Variants in KCNIP1 observed in about 807,000 individuals in gnomAD.
KCNIP1 encodes the protein potassium voltage-gated channel interacting protein 1, also known as A-type potassium channel modulatory protein KCNIP1.
KCNIP1 carries 18 observed loss-of-function variants against 33.0 expected under a neutral mutation model. That is an observed-to-expected ratio of 0.55 (90% CI 0.38 to 0.81). The LOEUF (loss-of-function observed/expected upper bound fraction) is 0.81, where lower values mean the gene tolerates loss of function less well. Among genes scored for constraint, KCNIP1 ranks in the 30% least tolerant of loss-of-function variants. The pLI, the probability that KCNIP1 is intolerant of heterozygous loss-of-function variation, is 0.00. For synonymous variants in KCNIP1, 93 were observed against 98.3 expected (o/e 0.95, Z 0.32); for missense variants, 238 against 271.6 (o/e 0.88, Z 0.87).
intron 1 of KCNIP1, among the ~76,000 whole-genome samples, chr5:170,430,176 G>A (rs1489866185): frequency 4.6e-5 from 7 of 152,220 alleles, no homozygotes; most frequent in East Asian, 1.9e-4. Context: ...TGGACAGTAA[G>A]CATCTGTTGG....
chr5:170,606,742 T>C lies in KCNIP1; in HGVS notation c.61+102109T>C, dbSNP rs970539344. ...TTAACCATTACCCCACCAGTCTATG[T>C]CCACACGGCCACGCTCACAGCCGTC... On this transcript the variant is annotated intron_variant, in intron 1 of 7. Coordinates refer to ENST00000328939, the MANE Select transcript of KCNIP1 (RefSeq NM_014592.4). Among the ~76,000 whole-genome samples the C allele has an allele frequency of 3.3e-5, 5 of 152,212 alleles. No homozygotes were observed. The South Asian group carries it at 1.0e-3, about 32-fold the overall frequency.
At chr5:170,643,993 G>A (rs1202784130) in intron 1 of KCNIP1, among the ~76,000 whole-genome samples, 1 of 152,190 alleles carries the variant, frequency 6.6e-6, no homozygotes. Context: ...ACTCCCCTCA[G>A]CGTTTCCTTC....
intron 1 of KCNIP1, among the ~76,000 whole-genome samples, chr5:170,592,728 G>A (rs553349093): frequency 6.6e-5 from 10 of 152,146 alleles, no homozygotes; most frequent in Non-Finnish European, 7.3e-5. Context: ...TGGAAACCTG[G>A]GCTTCCTCTT....
chr5:170,607,987 CTGAG>C (rs1308739943), intron 1 of KCNIP1, among the ~76,000 whole-genome samples: 1 of 152,208 alleles, frequency 6.6e-6, no homozygotes, highest in Admixed American at 6.5e-5. Flanking sequence ...TTACCACAAA[CTGAG>C]TGGGTTTAAA....
At position 170,601,991 on chromosome 5, in the gene KCNIP1, C is replaced by T. The variant is rs564031525; in HGVS notation, c.61+97358C>T. Among the ~76,000 whole-genome samples, 5 of 152,264 alleles carry T rather than the reference C, an allele frequency of 3.3e-5. 1 individual carries two copies. Among genetic ancestry groups the T allele is most frequent in the South Asian group, 4.1e-4 (2 of 4,826 alleles). ...GGGCTGAGTCTGGGTCAAATGACAC[C>T]GCCCCAGGCTCTCTGCCCTCTGGGG... On this transcript the variant is annotated intron_variant, in intron 1 of 7. Coordinates refer to ENST00000328939, the MANE Select transcript of KCNIP1 (RefSeq NM_014592.4).
intron 1 of KCNIP1, among the ~76,000 whole-genome samples, chr5:170,659,701 C>T (rs1425155334): frequency 1.3e-5 from 2 of 152,238 alleles, no homozygotes; most frequent in South Asian, 4.1e-4. Flanking sequence ...TTATCTGGAA[C>T]CAGGCTCGGA....
At chr5:170,487,963 T>A (rs1757133099) in intron 1 of KCNIP1, among the ~76,000 whole-genome samples, 1 of 152,178 alleles carries the variant, frequency 6.6e-6, no homozygotes, top group Non-Finnish European at 1.5e-5. Flanking sequence ...AAATTTCCAC[T>A]CATTCCTCAA....
rs1762338523 is a variant in KCNIP1, at chr5:170,681,345, C to T, written c.62-37413C>T. 13 of 381,270 alleles carry T rather than the reference C, an allele frequency of 3.4e-5. No individual in the cohort carries two copies. The East Asian group carries it at 3.7e-4, about 11-fold the overall frequency. The allele number at this position is 381,270 out of a possible 1,614,324, so 23.6% of individuals were successfully genotyped here. ...TGGTCCCCGCCTCCCCAGTCGCGCCCCAGTGCTGCGCTGTCCGTCGTGCTG... is the reference window on the plus strand; with the variant it reads ...TGGTCCCCGCCTCCCCAGTCGCGCCTCAGTGCTGCGCTGTCCGTCGTGCTG... On this transcript the variant is annotated intron_variant, in intron 1 of 7. Coordinates refer to ENST00000328939, the MANE Select transcript of KCNIP1 (RefSeq NM_014592.4).
rs147524526 is a variant in KCNIP1 at position 170,453,814 on chromosome 5, T to C, written c.88+99850T>C. Among the ~76,000 whole-genome samples, 15 of 152,314 alleles carry C rather than the reference T, an allele frequency of 9.8e-5. No individual in the cohort carries two copies. In the East Asian group the frequency reaches 2.7e-3, roughly 27 times the overall value. The stretch of plus-strand genomic sequence containing the variant: ...CTGTGGGAAGCCCAGGTGCTGAGAC[T>C]GGCATCCAGCAAACACCCAGCAAGA... On this transcript the variant is annotated intron_variant, in intron 1 of 7. Coordinates refer to the KCNIP1 transcript ENST00000377360.
intron 1 of KCNIP1, among the ~76,000 whole-genome samples, chr5:170,452,420 T>A (rs1756276515): frequency 6.6e-6 from 1 of 152,200 alleles, no homozygotes; most frequent in Admixed American, 6.5e-5. Flanking sequence ...TGGGCACCTC[T>A]GATTGCCCAT....
At chr5:170,399,991 A>G (rs1035095710) in intron 1 of KCNIP1, among the ~76,000 whole-genome samples, 2 of 152,188 alleles carry the variant, frequency 1.3e-5, no homozygotes, top group African/African-American at 4.8e-5. Flanking sequence ...ATCTGATAAA[A>G]TACACACCTC....
intron 1 of KCNIP1, among the ~76,000 whole-genome samples, chr5:170,568,498 T>C (rs561387697): frequency 3.1e-4 from 47 of 151,958 alleles, no homozygotes; most frequent in Non-Finnish European, 4.3e-4. Context: ...AGGTGATTCC[T>C]TCTACAGACC....
chr5:170,582,497 C>T (rs1047887104), intron 1 of KCNIP1, among the ~76,000 whole-genome samples: 2 of 152,232 alleles, frequency 1.3e-5, no homozygotes, highest in African/African-American at 2.4e-5. Flanking sequence ...CCCCTTCTCT[C>T]TATGTTAGAA....
intron 1 of KCNIP1, among the ~76,000 whole-genome samples, chr5:170,386,871 G>T (rs1274322323): frequency 6.6e-6 from 1 of 152,024 alleles, no homozygotes; most frequent in Non-Finnish European, 1.5e-5. Flanking sequence ...GCAACTCCTT[G>T]TTTTTCCCCT....
chr5:170,382,268 A>G (rs193283140), intron 1 of KCNIP1, among the ~76,000 whole-genome samples: 1 of 152,278 alleles, frequency 6.6e-6, no homozygotes, highest in East Asian at 1.9e-4. Flanking sequence ...TCACCTTGGG[A>G]GCTCCATGAA....
intron 1 of KCNIP1, among the ~76,000 whole-genome samples, chr5:170,699,106 T>C (rs1763001910): frequency 6.6e-6 from 1 of 152,188 alleles, no homozygotes; most frequent in African/African-American, 2.4e-5. Context: ...ATAATCTTTA[T>C]GAATTTCTTC....
At chr5:170,373,523 T>TA (rs1195432188) in intron 1 of KCNIP1, among the ~76,000 whole-genome samples, 1 of 152,380 alleles carries the variant, frequency 6.6e-6, no homozygotes, top group East Asian at 1.9e-4. Context: ...CTAAGAATGG[T>TA]AAAAATATTT....
intron 1 of KCNIP1, among the ~76,000 whole-genome samples, chr5:170,471,415 G>A (rs1191372070): frequency 1.3e-5 from 2 of 152,216 alleles, no homozygotes; most frequent in African/African-American, 4.8e-5. Flanking sequence ...GACCAGATCG[G>A]ATGACCAAGT....
chr5:170,373,754 C>T (rs555741766), intron 1 of KCNIP1, among the ~76,000 whole-genome samples: 1 of 152,284 alleles, frequency 6.6e-6, no homozygotes, highest in East Asian at 1.9e-4. Context: ...TGTTACATGA[C>T]CTCTGGAACA....
Sources: allele counts gnomAD v4.1 joint callset (sites outside exome capture counted in the v4.1 genomes callset), GRCh38; gene constraint gnomAD v4.1.1; transcripts MANE v1.5; gene names NCBI Gene and HGNC (gene_info 2026-07-23, HGNC 2026-07-21).